PTPDC1: variants seen among roughly 807,000 people sequenced by gnomAD.
The protein encoded by PTPDC1 is protein tyrosine phosphatase domain-containing protein 1.
A neutral mutation model predicts 75.3 loss-of-function variants in PTPDC1; 53 were observed. That is an observed-to-expected ratio of 0.70 (90% CI 0.56 to 0.88). The LOEUF is 0.88. Ranked by LOEUF, PTPDC1 falls within the 40% of genes least tolerant of loss-of-function variation. The pLI is 0.00. For missense variants in PTPDC1, 925 were observed against 998.6 expected, an observed-to-expected ratio of 0.93 and a Z score of 0.99; for synonymous variants, 349 against 366.2, an observed-to-expected ratio of 0.95 and a Z score of 0.54.
intron 1 of PTPDC1, among the ~76,000 whole-genome samples, chr9:94,051,154 A>G (rs1825779243): frequency 6.6e-6 from 1 of 152,108 alleles, no homozygotes; most frequent in Non-Finnish European, 1.5e-5. Flanking sequence ...GACCCCTTGC[A>G]CTTCCCGGGT....
intron 7 of PTPDC1, among the ~76,000 whole-genome samples, chr9:94,102,636 A>G (rs898847000): frequency 6.6e-5 from 10 of 151,906 alleles, no homozygotes; most frequent in African/African-American, 2.2e-4. Flanking sequence ...CTGGAGTGCA[A>G]TGGCGCGATC....
At chr9:94,072,066 G>A (rs1167645790) in intron 2 of PTPDC1, among the ~76,000 whole-genome samples, 1 of 152,134 alleles carries the variant, frequency 6.6e-6, no homozygotes, top group Non-Finnish European at 1.5e-5. Context: ...GGAGTGCAGT[G>A]GCATGAACTC....
intron 8 of PTPDC1, among the ~76,000 whole-genome samples, chr9:94,106,729 CAGAGA>C (rs1350482692): frequency 2.0e-5 from 3 of 152,122 alleles, no homozygotes; most frequent in African/African-American, 7.2e-5. Flanking sequence ...ATTCCAGAAG[CAGAGA>C]AGCAGTGATT....
intron 6 of PTPDC1, 60 bp from the exon 7 acceptor site, chr9:94,101,506 C>T (rs559782506): frequency 1.5e-6 from 2 of 1,333,082 alleles, no homozygotes; most frequent in Admixed American, 1.8e-5. Context: ...AAATGGTGCA[C>T]CTCCCTCTCC....
At chr9:94,107,559 T>C (rs1021709279) in intron 8 of PTPDC1, among the ~76,000 whole-genome samples, 2 of 152,268 alleles carry the variant, frequency 1.3e-5, no homozygotes, top group Non-Finnish European at 2.9e-5. Flanking sequence ...ACACCCACTG[T>C]TGACTTGCTT....
At chr9:94,103,893 G>A (rs72621406) in intron 7 of PTPDC1, among the ~76,000 whole-genome samples, 5,081 of 152,132 alleles carry the variant, frequency 0.033, 167 homozygotes, top group East Asian at 0.15. Context: ...ACCACTCAGT[G>A]CCCAGTTAAT....
intron 2 of PTPDC1, among the ~76,000 whole-genome samples, chr9:94,086,996 C>T (rs1827096356): frequency 6.6e-6 from 1 of 152,164 alleles, no homozygotes; most frequent in Admixed American, 6.5e-5. Flanking sequence ...ATTCTCACAC[C>T]AACCCTGTGA....
Position 94,088,252 on chromosome 9 carries a change from TGGA to T in PTPDC1, c.608_610del (p.Glu203del). ...TTCACATACCTTCCTGAGGCTTTCA[TGGA>T]GGCTGGCAGTAAGTTCCTCCCACCC... On this transcript the variant is annotated inframe_deletion, in exon 4 of 9. Coordinates refer to ENST00000620992, the MANE Select transcript of PTPDC1 (RefSeq NM_001253829.2). The T allele has an allele frequency of 6.2e-7, 1 of 1,613,854 alleles. No homozygotes were observed. The highest frequency in any genetic ancestry group is 8.5e-7 in the Non-Finnish European group (1 of 1,179,878).
intron 7 of PTPDC1, among the ~76,000 whole-genome samples, 155 bp downstream of exon 7, chr9:94,101,906 A>G (rs1364370414): frequency 6.6e-6 from 1 of 152,230 alleles, no homozygotes; most frequent in Non-Finnish European, 1.5e-5. Flanking sequence ...AGAAACTGAT[A>G]CCCAGTGTAA....
At position 94,048,331 on chromosome 9, in the gene PTPDC1, T is replaced by C. The variant is rs1825680500; in HGVS notation, c.-6-16403T>C. Among the ~76,000 whole-genome samples the C allele has an allele frequency of 2.0e-5, 3 of 152,234 alleles. No individual in the cohort carries two copies. The South Asian group carries it at 6.2e-4, about 32-fold the overall frequency. ...ATTTTAGATCCTTCCTGCTTTCTCT[T>C]GTGAGCATTTAGTGCTATAAATTTC... On this transcript the variant is annotated intron_variant, in intron 1 of 9. Coordinates refer to the PTPDC1 transcript ENST00000375360.
chr9:94,043,969 T>C (rs1450720165), intron 1 of PTPDC1, among the ~76,000 whole-genome samples: 1 of 152,220 alleles, frequency 6.6e-6, no homozygotes, highest in Non-Finnish European at 1.5e-5. Flanking sequence ...TAGTCGACTA[T>C]ATTTTTCTGG....
chr9:94,034,932 C>A (rs1029689169), intron 1 of PTPDC1, among the ~76,000 whole-genome samples: 2 of 152,048 alleles, frequency 1.3e-5, no homozygotes, highest in Non-Finnish European at 2.9e-5. Context: ...ATATTCATCA[C>A]CTCACGTACT....
chr9:94,083,433 C>T (rs575476895), upstream of PTPDC1, among the ~76,000 whole-genome samples: 2 of 151,390 alleles, frequency 1.3e-5, no homozygotes, highest in Non-Finnish European at 2.9e-5. Flanking sequence ...TTAAAAGGAG[C>T]TTGGTATAGC....
chr9:94,051,913 C>A (rs970400293), intron 1 of PTPDC1, among the ~76,000 whole-genome samples: 1 of 151,940 alleles, frequency 6.6e-6, no homozygotes, highest in African/African-American at 2.4e-5. Context: ...GGTTTAAATT[C>A]GTTTTCCTTA....
intron 2 of PTPDC1, among the ~76,000 whole-genome samples, chr9:94,078,450 G>A (rs1826767776): frequency 6.6e-6 from 1 of 152,160 alleles, no homozygotes; most frequent in Non-Finnish European, 1.5e-5. Flanking sequence ...GTGTTTTAAT[G>A]TGGATCTATT....
At chr9:94,034,739 A>G (rs1358283532) in intron 1 of PTPDC1, among the ~76,000 whole-genome samples, 1 of 152,178 alleles carries the variant, frequency 6.6e-6, no homozygotes, top group East Asian at 1.9e-4. Context: ...ATCATTCTGT[A>G]TAAGAACAAT....
rs1828122032 is a variant in PTPDC1, at chr9:94,109,297, G to A, written c.*1353G>A. The A allele has an allele frequency of 1.3e-5, 2 of 152,112 alleles. No homozygotes were observed. Among genetic ancestry groups the A allele is most frequent in the Non-Finnish European group, 1.5e-5 (1 of 68,016 alleles). 9.4% of individuals were successfully genotyped at this position (152,112 alleles called of 1,614,324 possible). On this transcript the variant is annotated 3_prime_UTR_variant, in exon 9 of 9. Transcript: ENST00000620992. ...ACTAAAGAAGTTACTGCTTAAAGACGGAATTTCAGGGGAAGCAAGACTCAT... is the reference window on the plus strand; with the variant it reads ...ACTAAAGAAGTTACTGCTTAAAGACAGAATTTCAGGGGAAGCAAGACTCAT...
chr9:94,066,518 A>G (rs1826311272), intron 2 of PTPDC1, among the ~76,000 whole-genome samples: 1 of 152,194 alleles, frequency 6.6e-6, no homozygotes, highest in South Asian at 2.1e-4. Flanking sequence ...GTGAGACAGA[A>G]CTAGAGTTAA....
rs1196847335 is a variant in PTPDC1, at chr9:94,109,643, T to C, written c.*1699T>C. The stretch of plus-strand genomic sequence containing the variant: ...TTGTTCTCATCTCAGTAGGCCTCAT[T>C]TGGGCAAGTGACCCACAGGTCTTTT... On this transcript the variant is annotated 3_prime_UTR_variant, in exon 9 of 9. Coordinates refer to ENST00000620992, the MANE Select transcript of PTPDC1 (RefSeq NM_001253829.2). The C allele has an allele frequency of 6.6e-6, 1 of 152,196 alleles. No homozygotes were observed. Among genetic ancestry groups the C allele is most frequent in the African/African-American group, 2.4e-5 (1 of 41,448 alleles). 9.4% of individuals were successfully genotyped at this position (152,196 alleles called of 1,614,324 possible).
Sources: gnomAD v4.1 joint callset for allele counts (sites outside exome capture counted in the v4.1 genomes callset) on GRCh38, gnomAD v4.1.1 for gene constraint, MANE v1.5 for transcripts, NCBI Gene and HGNC (gene_info 2026-07-23, HGNC 2026-07-21) for gene names.